The following DHX30 variants were observed in gnomAD, a reference collection of about 807,000 sequenced individuals.
DHX30 encodes the protein DExH-box helicase 30.
DHX30 carries 4 observed loss-of-function variants against 116.9 expected under a neutral mutation model. The ratio of observed to expected loss-of-function variants is 0.03; its 90% CI spans 0.02 to 0.08. The LOEUF is 0.08. Among genes scored for constraint, DHX30 ranks in the 10% least tolerant of loss-of-function variants. The probability of loss-of-function intolerance (pLI) is 1.00; values close to 1 mark genes in which losing one functional copy is unlikely to be tolerated. For missense variants in DHX30, 871 were observed against 1,595.1 expected, an observed-to-expected ratio of 0.55 and a Z score of 7.73; for synonymous variants, 697 against 651.7, an observed-to-expected ratio of 1.07 and a Z score of -1.06.
At position 47,812,663 on chromosome 3, in the gene DHX30, C is replaced by G. The variant is rs1327810831; in HGVS notation, c.28+1952C>G. ...CCTTCAACAGCAGAGATTACATTTC[C>G]TTTTTTTTTTTTTTTGAGACGGAGT... On this transcript the variant is annotated intron_variant, in intron 3 of 21. Coordinates refer to ENST00000445061, the MANE Select transcript of DHX30 (RefSeq NM_138615.3). Among the ~76,000 whole-genome samples the G allele has an allele frequency of 3.5e-5, 5 of 141,034 alleles. No homozygotes were observed. The Admixed American group carries it at 3.6e-4, about 10-fold the overall frequency. 92.5% of individuals were successfully genotyped at this position (141,034 alleles called of 152,430 possible).
intron 4 of DHX30, chr3:47,819,280 A>G: frequency 7.3e-7 from 1 of 1,367,474 alleles, no homozygotes; most frequent in Non-Finnish European, 9.8e-7. Flanking sequence ...TGGCTCTGAG[A>G]GTGTCAGATG....
At chr3:47,821,453 G>C (rs2036296209) in intron 4 of DHX30, among the ~76,000 whole-genome samples, 1 of 151,972 alleles carries the variant, frequency 6.6e-6, no homozygotes, top group South Asian at 2.1e-4. Flanking sequence ...TTTTTTAGTA[G>C]AGATGGGGTT....
chr3:47,843,896 C>G (rs985060019), intron 9 of DHX30, among the ~76,000 whole-genome samples: 1 of 152,230 alleles, frequency 6.6e-6, no homozygotes, highest in Non-Finnish European at 1.5e-5. Context: ...AGACAAGGGT[C>G]TCACTGTGTT....
At chr3:47,822,819 C>T (rs996793430) in intron 4 of DHX30, among the ~76,000 whole-genome samples, 1 of 146,862 alleles carries the variant, frequency 6.8e-6, no homozygotes, top group African/African-American at 2.5e-5. Flanking sequence ...AAAGGCCAGG[C>T]GCAGTGGCCC....
At chr3:47,833,448 C>T (rs1470688611) in intron 6 of DHX30, among the ~76,000 whole-genome samples, 1 of 133,198 alleles carries the variant, frequency 7.5e-6, no homozygotes, top group African/African-American at 2.9e-5. Context: ...GGGAGGATTG[C>T]TTGAACCTGG....
chr3:47,824,850 G>A, intron 4 of DHX30: 1 of 456,720 alleles, frequency 2.2e-6, no homozygotes, highest in East Asian at 3.7e-5. Flanking sequence ...TCCTAGCCCT[G>A]GGCAGCGCCG....
chr3:47,843,288 G>T, intron 9 of DHX30, 33 bp downstream of exon 9: 1 of 1,611,372 alleles, frequency 6.2e-7, no homozygotes, highest in South Asian at 1.1e-5. Flanking sequence ...TGTGGTGCAT[G>T]AGAATGTCTT....
chr3:47,816,586 G>A, intron 3 of DHX30: 1 of 977,628 alleles, frequency 1.0e-6, no homozygotes, highest in Non-Finnish European at 1.2e-6. Flanking sequence ...TCGATCTCTT[G>A]ACCTTGTGAT....
intron 1 of DHX30, among the ~76,000 whole-genome samples, chr3:47,804,596 C>T (rs1345130374): frequency 1.3e-5 from 2 of 152,142 alleles, no homozygotes; most frequent in Non-Finnish European, 2.9e-5. Context: ...GTTTTATTAG[C>T]TGTTGGACCT....
At chr3:47,828,172 G>T (rs908113745) in intron 5 of DHX30, among the ~76,000 whole-genome samples, 1 of 151,942 alleles carries the variant, frequency 6.6e-6, no homozygotes, top group Non-Finnish European at 1.5e-5. Flanking sequence ...TAAAGATAAA[G>T]ATGGGGCCTG....
intron 6 of DHX30, among the ~76,000 whole-genome samples, chr3:47,834,244 C>T (rs899038099): frequency 3.3e-5 from 5 of 152,252 alleles, no homozygotes; most frequent in African/African-American, 4.8e-5. Flanking sequence ...GCTGGGACTA[C>T]GGGCATGTGC....
Position 47,848,507 on chromosome 3 carries a change from C to T in DHX30, c.2532C>T (p.Asn844=). 6.2e-7 allele frequency: 1 copy of T among 1,613,532 alleles called. No homozygotes were observed. The highest frequency in any genetic ancestry group is 8.5e-7 in the Non-Finnish European group (1 of 1,179,814). Residue 844 remains asparagine, a synonymous_variant, in exon 16 of 22, where the codon AAC becomes AAT. Coordinates refer to ENST00000445061, the MANE Select transcript of DHX30 (RefSeq NM_138615.3). This position sits in a 1 kb window ranked among gnomAD's most constrained non-coding sequence, Gnocchi z 9.4. The stretch of plus-strand genomic sequence containing the variant: ...TGTCCAAGGCTGTGGACAGTCCAAA[C>T]ATCAAGGCAGTGGACGAGGCTGTGA... ...EFLSKAVDSP[N]IKAVDEAVIL...
chr3:47,825,056 G>C, intron 4 of DHX30: 1 of 662,342 alleles, frequency 1.5e-6, no homozygotes, highest in South Asian at 1.6e-5. Context: ...GCCGCTAGGA[G>C]ACTCATGGCG....
intron 1 of DHX30, among the ~76,000 whole-genome samples, chr3:47,804,167 C>T (rs972209043): frequency 6.6e-6 from 1 of 152,206 alleles, no homozygotes; most frequent in Non-Finnish European, 1.5e-5. Context: ...TGTGCAGAAA[C>T]TACATCCTTT....
intron 3 of DHX30, among the ~76,000 whole-genome samples, chr3:47,812,212 A>C (rs2035826617): frequency 6.8e-6 from 1 of 147,416 alleles, no homozygotes; most frequent in African/African-American, 2.5e-5. Flanking sequence ...GGGCAACAAG[A>C]GTGAGATGCC....
rs2037740849 is a variant in DHX30 at position 47,848,785 on chromosome 3, A to T, written c.2737A>T (p.Ser913Cys). The T allele has an allele frequency of 6.2e-7, 1 of 1,613,838 alleles. No homozygotes were observed. Among genetic ancestry groups the T allele is most frequent in the African/African-American group, 1.3e-5 (1 of 74,912 alleles). ...CTGCCTCACCCGGGACCCCTTCAGC[A>T]GCAGCCTACAGAACCGGGCAGAGGT... is the stretch of plus-strand genomic sequence containing the variant. Reference protein sequence around the residue: ...VSCLTRDPFSSSLQNRAEVDK... With the variant: ...VSCLTRDPFSCSLQNRAEVDK... The change falls in exon 17 of 22, where the codon AGC (serine) becomes TGC (cysteine). Residue 913 changes from serine to cysteine, a missense_variant. Around this residue, in one of 13 missense-constraint regions of DHX30, gnomAD observed 238 missense variants for 481.0 expected, o/e 0.49. Coordinates refer to ENST00000445061, the MANE Select transcript of DHX30 (RefSeq NM_138615.3). This position sits in a 1 kb window ranked among gnomAD's most constrained non-coding sequence, Gnocchi z 9.4.
chr3:47,832,272 C>T (rs2036896145), intron 6 of DHX30, among the ~76,000 whole-genome samples: 1 of 152,124 alleles, frequency 6.6e-6, no homozygotes, highest in South Asian at 2.1e-4. Flanking sequence ...ATTTCGTCCT[C>T]AGCCACTGGA....
In DHX30 at chr3:47,847,556, G is replaced by A; in HGVS notation, c.2110+20G>A. 1 of 1,565,978 alleles carries A rather than the reference G, an allele frequency of 6.4e-7. No individual in the cohort carries two copies. The highest frequency in any genetic ancestry group is 1.4e-5 in the African/African-American group (1 of 73,720). ...TGCCAGGTGAGAGCCCCGGCGGAGG[G>A]ACCAGGGACCTTTGGAAACCAGCCT... On this transcript the variant is annotated intron_variant, in intron 13 of 21. Transcript: ENST00000445061. The surrounding 1 kb of genome is among the most constrained non-coding windows in gnomAD (Gnocchi z 5.5).
chr3:47,809,030 A>T (rs1048641902), intron 2 of DHX30, among the ~76,000 whole-genome samples: 4 of 152,012 alleles, frequency 2.6e-5, no homozygotes, highest in African/African-American at 9.7e-5. Context: ...CTGAGATTAC[A>T]GGCGCCTGCC....
Sources: gnomAD v4.1 joint callset for allele counts (sites outside exome capture counted in the v4.1 genomes callset) on GRCh38, gnomAD v4.1.1 for gene constraint, gnomAD v4.1.1 regional missense constraint, Gnocchi (gnomAD v3.1) non-coding constraint, MANE v1.5 for transcripts, NCBI Gene and HGNC (gene_info 2026-07-23, HGNC 2026-07-21) for gene names.